EPHA8: variants seen among roughly 807,000 people sequenced by gnomAD.
EPHA8 encodes ephrin type-A receptor 8.
In EPHA8, 58 loss-of-function variants were observed where a neutral mutation model predicts 103.6. The observed-to-expected ratio is 0.56, with a 90% CI of 0.45 to 0.70. The LOEUF (loss-of-function observed/expected upper bound fraction) is 0.70. EPHA8 is among the 30% of genes least tolerant of loss of function. The pLI, the probability that EPHA8 is intolerant of heterozygous loss-of-function variation, is 0.00. For missense variants in EPHA8, 1,304 were observed against 1,395.2 expected (o/e 0.93, Z 1.04); for synonymous variants, 559 against 572.5 (o/e 0.98, Z 0.34).
intron 9 of EPHA8, among the ~76,000 whole-genome samples, chr1:22,596,436 G>A (rs1304520194): frequency 6.6e-6 from 1 of 152,158 alleles, no homozygotes; most frequent in African/African-American, 2.4e-5. Flanking sequence ...CGGGGTGGGA[G>A]TGCATATACT....
chr1:22,592,798 G>A (rs532363299), intron 5 of EPHA8, among the ~76,000 whole-genome samples: 1 of 151,312 alleles, frequency 6.6e-6, no homozygotes, highest in South Asian at 2.1e-4. Flanking sequence ...ACCTGAGCCA[G>A]GAGGGAGAGA....
Position 22,593,448 on chromosome 1 carries a change from A to G in EPHA8, c.1438A>G (p.Lys480Glu). The G allele has an allele frequency of 6.2e-7, 1 of 1,611,188 alleles. No individual in the cohort carries two copies. Among genetic ancestry groups the G allele is most frequent in the Non-Finnish European group, 8.5e-7 (1 of 1,178,884 alleles). Residue 480 changes from lysine (K) to glutamate (E), a missense_variant and splice_region_variant, in exon 6 of 17, where the codon AAG becomes GAG. Physicochemically the swap from Lys to Glu is moderately conservative, Grantham distance 56. Coordinates refer to ENST00000166244, the MANE Select transcript of EPHA8 (RefSeq NM_020526.5). ...ILEYEIKYYEKDKEMQSYSTL... is the reference protein window; with the variant it reads ...ILEYEIKYYEEDKEMQSYSTL... Reference sequence around the variant, plus strand: ...GGAGTATGAGATCAAGTACTACGAGAAGGTACCACGGGCAGGACGGAGTGG... The same window carrying G: ...GGAGTATGAGATCAAGTACTACGAGGAGGTACCACGGGCAGGACGGAGTGG...
rs544473569 is a variant in EPHA8, at chr1:22,574,310, G to T, written c.160-1907G>T. 2.0e-5 allele frequency among the ~76,000 whole-genome samples: 3 copies of T among 152,276 alleles called. No homozygotes were observed. In the East Asian group the frequency reaches 5.8e-4, roughly 29 times the overall value. On this transcript the variant is annotated intron_variant, in intron 2 of 16. Coordinates refer to ENST00000166244, the MANE Select transcript of EPHA8 (RefSeq NM_020526.5). ...CTTTCTTTCTTTCTTGTTTATTCTG[G>T]TGAAATACACATAAGGTAAAGTTTA... is the stretch of plus-strand genomic sequence containing the variant.
chr1:22,588,775 G>A, intron 4 of EPHA8, 96 bp from the exon 5 acceptor site: 1 of 1,498,350 alleles, frequency 6.7e-7, no homozygotes, highest in Non-Finnish European at 8.8e-7. Context: ...AATATGATGG[G>A]GAGCCCTTCC....
intron 3 of EPHA8, among the ~76,000 whole-genome samples, chr1:22,584,523 T>G (rs1641134927): frequency 6.6e-6 from 1 of 152,182 alleles, no homozygotes; most frequent in Admixed American, 6.5e-5. Context: ...ATGAACCTGG[T>G]TTTAGCTTTT....
chr1:22,571,168 C>T (rs931439573), intron 2 of EPHA8, among the ~76,000 whole-genome samples: 8 of 152,174 alleles, frequency 5.3e-5, no homozygotes, highest in African/African-American at 1.4e-4. Flanking sequence ...GTGTTTTGGA[C>T]GCTCACACTG....
rs1409847300 is a variant in EPHA8 at position 22,593,530 on chromosome 1, G to A, written c.1447G>A (p.Glu483Lys). ...GACCACCGTCCCGTGGCAGGACAAG[G>A]AGATGCAGAGCTACTCCACCCTCAA... ...YEIKYYEKDKEMQSYSTLKAV... is the reference protein window; with the variant it reads ...YEIKYYEKDKKMQSYSTLKAV... Residue 483 changes from glutamate (E) to lysine (K), a missense_variant, in exon 7 of 17, where the codon GAG becomes AAG. By Grantham distance (56) the Glu-to-Lys change is moderately conservative (BLOSUM62 1). Coordinates refer to ENST00000166244, the MANE Select transcript of EPHA8 (RefSeq NM_020526.5). 1.2e-6 allele frequency: 2 copies of A among 1,612,138 alleles called. No individual in the cohort carries two copies. Among genetic ancestry groups the A allele is most frequent in the African/African-American group, 1.3e-5 (1 of 74,942 alleles).
chr1:22,586,676 A>T (rs1201862115), intron 4 of EPHA8, 41 bp downstream of exon 4: 1 of 1,602,466 alleles, frequency 6.2e-7, no homozygotes, highest in Non-Finnish European at 8.5e-7. Flanking sequence ...TGAGCCCAAG[A>T]CTGGGCCGGG....
chr1:22,588,148 C>A (rs1641268729), intron 4 of EPHA8, among the ~76,000 whole-genome samples: 1 of 152,216 alleles, frequency 6.6e-6, no homozygotes, highest in Non-Finnish European at 1.5e-5. Flanking sequence ...TCTTACAATT[C>A]TATTTTCTGA....
intron 3 of EPHA8, among the ~76,000 whole-genome samples, chr1:22,583,094 C>G (rs1370028048): frequency 6.6e-6 from 1 of 152,236 alleles, no homozygotes. Flanking sequence ...GCTGGCCTGA[C>G]AGGCGGCCTG....
At position 22,596,142 on chromosome 1, in the gene EPHA8, C is replaced by T. The variant is rs370682222; in HGVS notation, c.1734C>T (p.Asp578=). The T allele has an allele frequency of 5.6e-6, 9 of 1,613,892 alleles. No homozygotes were observed. Among genetic ancestry groups the T allele is most frequent in the South Asian group, 1.1e-5 (1 of 91,066 alleles). Residue 578 remains aspartate (D), a synonymous_variant, in exon 9 of 17, where the codon GAC becomes GAT. Coordinates refer to ENST00000166244, the MANE Select transcript of EPHA8 (RefSeq NM_020526.5). ...CGYSKAFQDS[D]EEKMHYQNGQ... Reference sequence around the variant, plus strand: ...ACAGCAAGGCCTTCCAGGACTCGGACGAGGAGAAGATGCACTATCAGAATG... The same window carrying T: ...ACAGCAAGGCCTTCCAGGACTCGGATGAGGAGAAGATGCACTATCAGAATG...
rs778640305 is a variant in EPHA8, at chr1:22,601,337, C to G, written c.2767C>G (p.Leu923Val). 3.5e-5 allele frequency: 56 copies of G among 1,607,328 alleles called. No homozygotes were observed. Among genetic ancestry groups the G allele is most frequent in the Non-Finnish European group, 4.8e-5 (56 of 1,178,316 alleles). The change falls in exon 16 of 17, where the codon CTC becomes GTC. Residue 923 changes from leucine to valine, a missense_variant. Coordinates refer to ENST00000166244, the MANE Select transcript of EPHA8 (RefSeq NM_020526.5). ...TGCCTTCGTCCGGAGCTGCTTTGAC[C>G]TCCGAGGGGGCAGCGGTGGCGGTGG... is the stretch of plus-strand genomic sequence containing the variant. ...PPAFVRSCFD[L>V]RGGSGGGGGL...
rs141279306 is a variant in EPHA8 at position 22,601,323 on chromosome 1, G to A, written c.2753G>A (p.Arg918Gln). The A allele has an allele frequency of 6.5e-5, 104 of 1,604,788 alleles. No homozygotes were observed. The highest frequency in any genetic ancestry group is 4.7e-4 in the South Asian group (42 of 90,172). ...VSRCPPPAFV[R>Q]SCFDLRGGSG... ...AGGTGCCCACCCCCTGCCTTCGTCC[G>A]GAGCTGCTTTGACCTCCGAGGGGGC... Residue 918 changes from arginine to glutamine, a missense_variant, in exon 16 of 17, where the codon CGG becomes CAG. Coordinates refer to ENST00000166244, the MANE Select transcript of EPHA8 (RefSeq NM_020526.5).
At chr1:22,577,867 TTG>T (rs1238107297) in intron 3 of EPHA8, among the ~76,000 whole-genome samples, 2 of 109,270 alleles carry the variant, frequency 1.8e-5, no homozygotes, top group Admixed American at 1.8e-4. Flanking sequence ...TATGTATGCA[TTG>T]TGTGGGCCTG....
Position 22,593,623 on chromosome 1 carries a change from G to C in EPHA8, c.1540G>C (p.Ala514Pro). Residue 514 changes from alanine (A) to proline (P), a missense_variant, in exon 7 of 17, where the codon GCC (alanine) becomes CCC (proline). Transcript: ENST00000166244. Reference protein sequence around the residue: ...PGTRYVFQVRARTSAGCGRFS... With the variant: ...PGTRYVFQVRPRTSAGCGRFS... ...CACCCGCTACGTGTTCCAGGTCCGA[G>C]CCCGCACCTCAGCAGGCTGTGGCCG... is the stretch of plus-strand genomic sequence containing the variant. 1 of 1,609,360 alleles carries C rather than the reference G, an allele frequency of 6.2e-7. No individual in the cohort carries two copies. Among genetic ancestry groups the C allele is most frequent in the East Asian group, 2.2e-5 (1 of 44,710 alleles).
At chr1:22,595,191 C>T (rs1641481939) in intron 7 of EPHA8, 39 bp from the exon 8 acceptor site, 1 of 1,555,526 alleles carries the variant, frequency 6.4e-7, no homozygotes, top group South Asian at 1.2e-5. Context: ...AAGGCCAGGG[C>T]TGAGAGCCTG....
chr1:22,580,486 A>G (rs996628779), intron 3 of EPHA8, among the ~76,000 whole-genome samples: 1 of 152,006 alleles, frequency 6.6e-6, no homozygotes, highest in Non-Finnish European at 1.5e-5. Context: ...CCCAATTTCT[A>G]TGAGTCTTCT....
At position 22,564,792 on chromosome 1, in the gene EPHA8, C is replaced by A. The variant is rs115326972; in HGVS notation, c.94+1063C>A. 6.3e-4 allele frequency among the ~76,000 whole-genome samples: 96 copies of A among 152,192 alleles called. 1 individual carries two copies. Among genetic ancestry groups the A allele is most frequent in the African/African-American group, 2.2e-3 (92 of 41,508 alleles). ...CAGCTCTGCCCCAAGGAAGCCAGAG[C>A]GTCTCTGTGCAGGCTCCCAGGGCTG... On this transcript the variant is annotated intron_variant, in intron 1 of 16. Transcript: ENST00000166244.
chr1:22,597,851 C>A lies in EPHA8; in HGVS notation c.2106C>A (p.Val702=). 2 of 1,609,088 alleles carry A rather than the reference C, an allele frequency of 1.2e-6. No homozygotes were observed. The highest frequency in any genetic ancestry group is 1.7e-6 in the Non-Finnish European group (2 of 1,177,572). The change falls in exon 11 of 17, where the codon GTC becomes GTA. Residue 702 remains valine (V), a synonymous_variant. Transcript: ENST00000166244. This position sits in a 1 kb window ranked among gnomAD's most constrained non-coding sequence, Gnocchi z 4.6. ...DHPNIIRLEG[V]VTRGRLAMIV... Reference sequence around the variant, plus strand: ...CCAACATCATCCGCCTCGAGGGTGTCGTCACCCGTGGTAGGTGCCGGGCAA... The same window carrying A: ...CCAACATCATCCGCCTCGAGGGTGTAGTCACCCGTGGTAGGTGCCGGGCAA...
Sources: gnomAD v4.1 joint callset for allele counts (sites outside exome capture counted in the v4.1 genomes callset) on GRCh38, gnomAD v4.1.1 for gene constraint, Gnocchi (gnomAD v3.1) non-coding constraint, MANE v1.5 for transcripts, NCBI Gene and HGNC (gene_info 2026-07-23, HGNC 2026-07-21) for gene names.